Variants in ENPP6 observed in about 807,000 individuals in gnomAD.
ENPP6 encodes glycerophosphocholine cholinephosphodiesterase ENPP6.
ENPP6 carries 32 observed loss-of-function variants against 42.0 expected under a neutral mutation model. The ratio of observed to expected loss-of-function variants is 0.76; its 90% CI spans 0.58 to 1.02. The LOEUF (loss-of-function observed/expected upper bound fraction) is 1.02. Among genes scored for constraint, ENPP6 ranks in the 50% least tolerant of loss-of-function variants. The pLI is 0.00. For synonymous variants in ENPP6, 213 were observed against 216.0 expected (o/e 0.99, Z 0.12); for missense variants, 552 against 566.8 (o/e 0.97, Z 0.27).
intron 2 of ENPP6, among the ~76,000 whole-genome samples, chr4:184,127,174 T>A (rs922682887): frequency 6.6e-6 from 1 of 152,102 alleles, no homozygotes; most frequent in African/African-American, 2.4e-5. Flanking sequence ...ATATAAAAAG[T>A]GCATATGTGG....
rs1271381829 is a variant in ENPP6, at chr4:184,114,948, G to C, written c.855+1908C>G. Among the ~76,000 whole-genome samples, 4 of 152,158 alleles carry C rather than the reference G, an allele frequency of 2.6e-5. No homozygotes were observed. The East Asian group carries it at 7.7e-4, about 29-fold the overall frequency. ...ACAAAGGACTGTCCCCCTGGGGATG[G>C]AGCAAGGCTGGGAGCAGTGGCATTC... On this transcript the variant is annotated intron_variant, in intron 5 of 7. Transcript: ENST00000296741.
intron 1 of ENPP6, among the ~76,000 whole-genome samples, chr4:184,183,408 G>T (rs1732585376): frequency 6.6e-6 from 1 of 152,162 alleles, no homozygotes; most frequent in African/African-American, 2.4e-5. Flanking sequence ...GAACATGGAT[G>T]TAGAGCCTGA....
At chr4:184,093,030 C>A (rs540477512) in intron 7 of ENPP6, among the ~76,000 whole-genome samples, 1 of 152,216 alleles carries the variant, frequency 6.6e-6, no homozygotes, top group East Asian at 1.9e-4. Flanking sequence ...GGGCAACTGC[C>A]CAAATAGCAC....
intron 1 of ENPP6, among the ~76,000 whole-genome samples, chr4:184,175,104 G>T (rs116196276): frequency 1.3e-5 from 2 of 152,050 alleles, no homozygotes; most frequent in Non-Finnish European, 1.5e-5. Context: ...ACCTGACCCC[G>T]CTCTCCCTCC....
chr4:184,191,542 G>C (rs1732712694), intron 1 of ENPP6, among the ~76,000 whole-genome samples: 1 of 152,158 alleles, frequency 6.6e-6, no homozygotes, highest in Non-Finnish European at 1.5e-5. Flanking sequence ...GAGCGATGGA[G>C]GGGGAAGCAG....
intron 1 of ENPP6, among the ~76,000 whole-genome samples, chr4:184,200,143 G>A (rs1732868015): frequency 6.6e-6 from 1 of 152,210 alleles, no homozygotes; most frequent in South Asian, 2.1e-4. Context: ...TCATCTGGGA[G>A]GACAATAAAA....
At chr4:184,101,798 C>G (rs1054394279) in intron 6 of ENPP6, among the ~76,000 whole-genome samples, 1 of 152,222 alleles carries the variant, frequency 6.6e-6, no homozygotes, top group Non-Finnish European at 1.5e-5. Flanking sequence ...GACCCCTCCT[C>G]TAGACAGGGG....
chr4:184,139,228 G>A (rs1046897442), intron 2 of ENPP6, among the ~76,000 whole-genome samples: 5 of 152,182 alleles, frequency 3.3e-5, no homozygotes, highest in East Asian at 1.9e-4. Context: ...GCTAGGCAAC[G>A]GCCAGCAATA....
At position 184,106,936 on chromosome 4, in the gene ENPP6, T is replaced by C. The variant is rs1736108221; in HGVS notation, c.993+5736A>G. 2.6e-5 allele frequency among the ~76,000 whole-genome samples: 4 copies of C among 152,266 alleles called. 1 individual carries two copies. Among genetic ancestry groups the C allele is most frequent in the Non-Finnish European group, 5.9e-5 (4 of 68,004 alleles). ...GGGGATGGAAGAGCGTGCTTGAGTC[T>C]GCTGCAGACTACCCACAGCCCTTCT... On this transcript the variant is annotated intron_variant, in intron 6 of 7. Transcript: ENST00000296741.
At chr4:184,150,911 G>A (rs750223012) in intron 2 of ENPP6, among the ~76,000 whole-genome samples, 5 of 152,376 alleles carry the variant, frequency 3.3e-5, no homozygotes, top group African/African-American at 9.6e-5. Flanking sequence ...CTGTTAGACT[G>A]TGAATCAGAG....
chr4:184,142,301 T>A (rs6815145), intron 2 of ENPP6, among the ~76,000 whole-genome samples: 98,532 of 152,184 alleles, frequency 0.65, 32,213 homozygotes, highest in South Asian at 0.69. Context: ...ATTTTATGTG[T>A]TGCGAGACAG....
intron 3 of ENPP6, among the ~76,000 whole-genome samples, 162 bp from the exon 4 acceptor site, chr4:184,118,062 G>A (rs1287515078): frequency 6.6e-6 from 1 of 152,158 alleles, no homozygotes; most frequent in East Asian, 1.9e-4. Flanking sequence ...GATCTCCAAG[G>A]GAGAAGCACA....
chr4:184,210,258 G>T (rs1157168099), intron 1 of ENPP6, among the ~76,000 whole-genome samples: 2,483 of 148,596 alleles, frequency 0.017, 63 homozygotes, highest in Admixed American at 0.056. Context: ...AATGTAAATG[G>T]ACTAAATGCT....
chr4:184,211,314 G>A (rs1449226514), intron 1 of ENPP6, among the ~76,000 whole-genome samples: 1 of 151,886 alleles, frequency 6.6e-6, no homozygotes, highest in Admixed American at 6.6e-5. Flanking sequence ...TTTTTTGAAA[G>A]GATCAACAAA....
rs865918107 is a variant in ENPP6 at position 184,093,668 on chromosome 4, A to G, written c.1118-2286T>C. On this transcript the variant is annotated intron_variant, in intron 7 of 7. Transcript: ENST00000296741. ...TAATAATAATAATAATAATAATAATAATAATAATAATAATAATGTAAAACC... is the reference window on the plus strand; with the variant it reads ...TAATAATAATAATAATAATAATAATGATAATAATAATAATAATGTAAAACC... Among the ~76,000 whole-genome samples, 110 of 147,532 alleles carry G rather than the reference A, an allele frequency of 7.5e-4. 1 individual carries two copies. Among genetic ancestry groups the G allele is most frequent in the Non-Finnish European group, 5.1e-4 (34 of 67,080 alleles).
At position 184,117,893 on chromosome 4, in the gene ENPP6, G is replaced by A. The variant is rs147979605; in HGVS notation, c.541C>T (p.Arg181Trp). Residue 181 changes from arginine (R) to tryptophan (W), a missense_variant, in exon 4 of 8, where the codon CGG becomes TGG. Around this residue, in one of 2 missense-constraint regions of ENPP6, gnomAD observed 545 missense variants for 546.3 expected, o/e 1.00. Coordinates refer to ENST00000296741, the MANE Select transcript of ENPP6 (RefSeq NM_153343.4). ...TGGTATATGGCTGCCAGGTCGGCCC[G>A]GCCACTCCTGGAGGGACAGAGGAGA... ...SDALDSFKSG[R>W]ADLAAIYHER... 3.3e-5 allele frequency: 54 copies of A among 1,613,898 alleles called. No homozygotes were observed. The highest frequency in any genetic ancestry group is 6.7e-5 in the African/African-American group (5 of 74,912).
rs1735760748 is a variant in ENPP6, at chr4:184,090,067, C to G, written c.*1110G>C. 6.6e-6 allele frequency: 1 copy of G among 152,222 alleles called. No individual in the cohort carries two copies. The highest frequency in any genetic ancestry group is 1.9e-4 in the East Asian group (1 of 5,194). 9.4% of individuals were successfully genotyped at this position (152,222 alleles called of 1,614,324 possible). On this transcript the variant is annotated 3_prime_UTR_variant, in exon 8 of 8. Coordinates refer to ENST00000296741, the MANE Select transcript of ENPP6 (RefSeq NM_153343.4). ...GGGACTCTGCTCCATCATGCTCTCT[C>G]CATTCTCCACCCAGCACCATTTTCT...
chr4:184,098,992 C>T (rs764533527), intron 6 of ENPP6, among the ~76,000 whole-genome samples: 1 of 152,228 alleles, frequency 6.6e-6, no homozygotes. Context: ...GTGAGCCAAG[C>T]AGTTCGCCAT....
intron 1 of ENPP6, among the ~76,000 whole-genome samples, chr4:184,208,645 C>T (rs1370246567): frequency 1.5e-4 from 23 of 149,552 alleles, no homozygotes; most frequent in Admixed American, 4.0e-4. Flanking sequence ...AACTGCAAGG[C>T]GGCAGCGAGG....
Sources: allele counts gnomAD v4.1 joint callset (sites outside exome capture counted in the v4.1 genomes callset), GRCh38; gene constraint gnomAD v4.1.1; regional missense constraint gnomAD v4.1.1; transcripts MANE v1.5; gene names NCBI Gene and HGNC (gene_info 2026-07-23, HGNC 2026-07-21).